Variants in RASA3 observed in about 807,000 individuals in gnomAD.
RASA3 encodes the protein RAS p21 protein activator 3.
Under a neutral mutation model 110.0 loss-of-function variants are expected in RASA3, and 73 were observed. The ratio of observed to expected loss-of-function variants is 0.66; its 90% CI spans 0.55 to 0.81. The LOEUF is 0.81. RASA3 is among the 30% of genes least tolerant of loss of function. The probability of loss-of-function intolerance (pLI) is 0.00; values close to 1 mark genes in which losing one functional copy is unlikely to be tolerated. For missense variants in RASA3, 976 were observed against 1,113.2 expected, an observed-to-expected ratio of 0.88 and a Z score of 1.75; for synonymous variants, 500 against 451.4, an observed-to-expected ratio of 1.11 and a Z score of -1.37.
At chr13:114,081,825 C>T (rs757274762) in intron 1 of RASA3, among the ~76,000 whole-genome samples, 5 of 152,118 alleles carry the variant, frequency 3.3e-5, no homozygotes, top group African/African-American at 9.7e-5. Flanking sequence ...AGAGACACAC[C>T]GGTGCTGCAC....
intron 3 of RASA3, among the ~76,000 whole-genome samples, chr13:114,042,958 C>T (rs998660798): frequency 1.3e-5 from 2 of 152,208 alleles, no homozygotes; most frequent in African/African-American, 2.4e-5. Flanking sequence ...TTCCTGCCAG[C>T]GTTCCTTCCT....
chr13:114,090,220 T>C (rs962676104), intron 1 of RASA3, among the ~76,000 whole-genome samples: 10 of 152,250 alleles, frequency 6.6e-5, no homozygotes, highest in Admixed American at 6.5e-4. Flanking sequence ...CCCGGCTGCC[T>C]GCCCAGGGCC....
intron 1 of RASA3, among the ~76,000 whole-genome samples, chr13:114,090,476 G>A (rs529091452): frequency 4.6e-5 from 7 of 152,322 alleles, no homozygotes; most frequent in South Asian, 2.1e-4. Flanking sequence ...AGAAGGGACC[G>A]AGGCTCCTCC....
chr13:114,022,544 G>A (rs947911449), intron 8 of RASA3, among the ~76,000 whole-genome samples: 1 of 152,192 alleles, frequency 6.6e-6, no homozygotes, highest in Non-Finnish European at 1.5e-5. Flanking sequence ...AGAAGGCTGG[G>A]GATTTTGTTA....
At chr13:114,035,378 C>T (rs573351025) in intron 4 of RASA3, among the ~76,000 whole-genome samples, 3 of 152,318 alleles carry the variant, frequency 2.0e-5, no homozygotes, top group South Asian at 4.1e-4. Flanking sequence ...AGCAAAGGGG[C>T]CCCAGCGTCC....
intron 4 of RASA3, among the ~76,000 whole-genome samples, chr13:114,031,985 A>C (rs1394826668): frequency 6.6e-6 from 1 of 152,198 alleles, no homozygotes; most frequent in Non-Finnish European, 1.5e-5. Context: ...AAAACCTTCG[A>C]GTTCCTTCAA....
intron 3 of RASA3, among the ~76,000 whole-genome samples, chr13:114,043,048 G>T (rs2054448391): frequency 6.6e-6 from 1 of 152,186 alleles, no homozygotes; most frequent in African/African-American, 2.4e-5. Flanking sequence ...TCATGCGAGC[G>T]AGACCTCTCA....
chr13:114,012,605 C>T (rs1202252222), intron 15 of RASA3, among the ~76,000 whole-genome samples: 18 of 144,694 alleles, frequency 1.2e-4, no homozygotes, highest in African/African-American at 3.1e-4. Context: ...CCTCATTCCA[C>T]GCACACTCCC....
chr13:114,041,599 A>G (rs1427883573), intron 3 of RASA3, among the ~76,000 whole-genome samples: 1 of 152,196 alleles, frequency 6.6e-6, no homozygotes, highest in Non-Finnish European at 1.5e-5. Flanking sequence ...CTCACACACC[A>G]CCAAGGCAGC....
chr13:114,119,253 C>A (rs2080333165), intron 1 of RASA3, among the ~76,000 whole-genome samples: 1 of 152,170 alleles, frequency 6.6e-6, no homozygotes, highest in Non-Finnish European at 1.5e-5. Context: ...TCAGCATTTC[C>A]ATAAACACAT....
chr13:114,027,267 T>C lies in RASA3; in HGVS notation c.603+122A>G, dbSNP rs1002018137. 127 of 880,140 alleles carry C rather than the reference T, an allele frequency of 1.4e-4. No homozygotes were observed. In the African/African-American group the frequency reaches 2.1e-3, roughly 14 times the overall value. 54.5% of individuals were successfully genotyped at this position (880,140 alleles called of 1,614,324 possible). A position where few individuals can be genotyped will look rare whatever the true frequency, so the allele number is the denominator to read the frequency against. On this transcript the variant is annotated intron_variant, in intron 7 of 23. Coordinates refer to ENST00000334062, the MANE Select transcript of RASA3 (RefSeq NM_007368.4). ...GGAACCCAGGGCCGGCTGGCGGGGC[T>C]CGCTCCTCTCCGGAAGGAACTTCCA...
At chr13:113,993,747 G>T (rs2053170302) in intron 21 of RASA3, among the ~76,000 whole-genome samples, 1 of 145,568 alleles carries the variant, frequency 6.9e-6, no homozygotes, top group Non-Finnish European at 1.5e-5. Context: ...GGTGGAGGTT[G>T]CAGTGAGCCG....
chr13:114,041,980 A>C (rs2054419184), intron 3 of RASA3, among the ~76,000 whole-genome samples: 2 of 152,230 alleles, frequency 1.3e-5, no homozygotes, highest in Non-Finnish European at 2.9e-5. Context: ...CGTCCACTCT[A>C]AACAGTTTCC....
At position 114,114,861 on chromosome 13, in the gene RASA3, T is replaced by C. The variant is rs2080257720; in HGVS notation, c.55+17574A>G. On this transcript the variant is annotated intron_variant, in intron 1 of 23. Transcript: ENST00000334062. The surrounding 1 kb of genome is among the most constrained non-coding windows in gnomAD (Gnocchi z 4.8). ...AGTGGAAAGACCCATAGCTCCCAGC[T>C]CCAGGGACGACGCGGGGGTGCTAAG... is the stretch of plus-strand genomic sequence containing the variant. Among the ~76,000 whole-genome samples, 1 of 152,110 alleles carries C rather than the reference T, an allele frequency of 6.6e-6. No individual in the cohort carries two copies. Among genetic ancestry groups the C allele is most frequent in the Admixed American group, 6.5e-5 (1 of 15,278 alleles).
chr13:114,037,963 G>C (rs1594366299), intron 4 of RASA3, among the ~76,000 whole-genome samples: 1 of 152,084 alleles, frequency 6.6e-6, no homozygotes, highest in African/African-American at 2.4e-5. Context: ...GGAGCCGGGA[G>C]AAGGGAGCAC....
intron 18 of RASA3, among the ~76,000 whole-genome samples, chr13:114,005,734 C>G (rs2053500334): frequency 6.6e-6 from 1 of 152,072 alleles, no homozygotes; most frequent in South Asian, 2.1e-4. Context: ...GGCCCCCATC[C>G]CTTTCTCCCC....
chr13:114,054,310 A>AG (rs1480451907), intron 2 of RASA3, among the ~76,000 whole-genome samples: 4 of 152,260 alleles, frequency 2.6e-5, no homozygotes, highest in African/African-American at 9.6e-5. Context: ...ATATCACCAA[A>AG]GACAAATGGC....
Position 114,009,425 on chromosome 13 carries a change from A to G in RASA3, c.1630T>C (p.Phe544Leu). The G allele has an allele frequency of 9.3e-6, 15 of 1,612,550 alleles. No individual in the cohort carries two copies. The highest frequency in any genetic ancestry group is 1.3e-5 in the Non-Finnish European group (15 of 1,179,628). Residue 544 changes from phenylalanine (F) to leucine (L), a missense_variant, in exon 17 of 24, where the codon TTC (phenylalanine) becomes CTC (leucine). By Grantham distance (22) the Phe-to-Leu change is conservative. Transcript: ENST00000334062. ...KESYMATFYE[F>L]FNEQKYADAV... ...TCAGCATATTTCTGCTCATTGAAGA[A>G]TTCATAAAATGTAGCCATGTAGGAC...
At position 114,115,336 on chromosome 13, in the gene RASA3, C is replaced by G. The variant is rs144591946; in HGVS notation, c.55+17099G>C. Among the ~76,000 whole-genome samples, 208 of 152,350 alleles carry G rather than the reference C, an allele frequency of 1.4e-3. No homozygotes were observed. The highest frequency in any genetic ancestry group is 4.6e-3 in the African/African-American group (192 of 41,580). On this transcript the variant is annotated intron_variant, in intron 1 of 23. Coordinates refer to ENST00000334062, the MANE Select transcript of RASA3 (RefSeq NM_007368.4). This position sits in a 1 kb window ranked among gnomAD's most constrained non-coding sequence, Gnocchi z 5.0. ...AGATGAACACCCCACCTTGGTGACA[C>G]AGAGGCTGGACAGTCACACCGACCC...
Sources: allele counts gnomAD v4.1 joint callset (sites outside exome capture counted in the v4.1 genomes callset), GRCh38; gene constraint gnomAD v4.1.1; non-coding constraint Gnocchi (gnomAD v3.1); transcripts MANE v1.5; gene names NCBI Gene and HGNC (gene_info 2026-07-23, HGNC 2026-07-21).